ADORA1: variants seen among roughly 807,000 people sequenced by gnomAD.
ADORA1 encodes adenosine receptor A1.
A neutral mutation model predicts 19.9 loss-of-function variants in ADORA1; 6 were observed. That is an observed-to-expected ratio of 0.30 (90% CI 0.17 to 0.59). The LOEUF (loss-of-function observed/expected upper bound fraction) is 0.59. Among genes scored for constraint, ADORA1 ranks in the 20% least tolerant of loss-of-function variants. The pLI is 0.87. For missense variants in ADORA1, 302 were observed against 439.2 expected, an observed-to-expected ratio of 0.69 and a Z score of 2.79; for synonymous variants, 194 against 188.4, an observed-to-expected ratio of 1.03 and a Z score of -0.24.
chr1:203,159,377 C>G (rs1357366026), intron 3 of ADORA1, among the ~76,000 whole-genome samples: 2 of 152,208 alleles, frequency 1.3e-5, no homozygotes, highest in Non-Finnish European at 2.9e-5. Context: ...AGCCCTAGGT[C>G]TCTTCTCTGA....
intron 3 of ADORA1, among the ~76,000 whole-genome samples, chr1:203,148,961 T>A (rs1036598993): frequency 1.8e-4 from 28 of 152,046 alleles, no homozygotes; most frequent in African/African-American, 6.3e-4. Context: ...CACTGCAACC[T>A]CCGCCGCCCG....
At position 203,128,356 on chromosome 1, in the gene ADORA1, C is replaced by T. The variant is rs1654220352; in HGVS notation, c.-134C>T. 1.6e-6 allele frequency: 2 copies of T among 1,290,022 alleles called. No homozygotes were observed. The highest frequency in any genetic ancestry group is 2.3e-5 in the Admixed American group (1 of 43,540). The allele number at this position is 1,290,022 out of a possible 1,614,324, so 79.9% of individuals were successfully genotyped here. A position where few individuals can be genotyped will look rare whatever the true frequency, so the allele number is the denominator to read the frequency against. On this transcript the variant is annotated 5_prime_UTR_variant, in exon 2 of 4. Coordinates refer to ENST00000337894, the MANE Select transcript of ADORA1 (RefSeq NM_000674.3). The surrounding 1 kb of genome is among the most constrained non-coding windows in gnomAD (Gnocchi z 5.9). ...TGTCCAGAGCCCAGCCCAGCCCTACCGCGCGCGGCCCGGAGCTCTGTTCCC... is the reference window on the plus strand; with the variant it reads ...TGTCCAGAGCCCAGCCCAGCCCTACTGCGCGCGGCCCGGAGCTCTGTTCCC...
chr1:203,163,799 C>T lies in ADORA1; in HGVS notation c.342-1462C>T, dbSNP rs61704483. ...GATCTAGGAGAAGCGTTGTCCGGGG[C>T]GAGACAGACTTTAAGCATCATCACC... On this transcript the variant is annotated intron_variant, in intron 3 of 3. Transcript: ENST00000337894. 4.0e-3 allele frequency among the ~76,000 whole-genome samples: 602 copies of T among 152,216 alleles called. 7 individuals are homozygous for T. The highest frequency in any genetic ancestry group is 0.014 in the African/African-American group (580 of 41,536).
At chr1:203,142,826 C>A (rs1294949838) in intron 3 of ADORA1, among the ~76,000 whole-genome samples, 1 of 152,136 alleles carries the variant, frequency 6.6e-6, no homozygotes, top group Non-Finnish European at 1.5e-5. Context: ...AGTGAGGGCT[C>A]CCCTGGGGCC....
At chr1:203,144,306 T>C (rs1485872857) in intron 3 of ADORA1, among the ~76,000 whole-genome samples, 1 of 152,158 alleles carries the variant, frequency 6.6e-6, no homozygotes, top group African/African-American at 2.4e-5. Context: ...CCAAGCCTAT[T>C]CATCTCTATA....
intron 3 of ADORA1, 192 bp downstream of exon 3, chr1:203,129,374 G>A: frequency 1.2e-6 from 1 of 806,142 alleles, no homozygotes; most frequent in Non-Finnish European, 1.5e-6. Flanking sequence ...GGGATGGGTG[G>A]CTGGAGGACT....
chr1:203,159,868 A>G (rs1186009549), intron 3 of ADORA1, among the ~76,000 whole-genome samples: 1 of 152,248 alleles, frequency 6.6e-6, no homozygotes, highest in African/African-American at 2.4e-5. Context: ...CAGCACATGC[A>G]TGTGAACAGG....
chr1:203,149,592 A>G (rs1654967955), intron 3 of ADORA1, among the ~76,000 whole-genome samples: 2 of 152,252 alleles, frequency 1.3e-5, no homozygotes, highest in Admixed American at 1.3e-4. Context: ...TGTGAGAACC[A>G]CCTAATTAAG....
chr1:203,150,625 C>T, intron 3 of ADORA1: 2 of 1,289,522 alleles, frequency 1.6e-6, no homozygotes, highest in South Asian at 1.2e-5. Flanking sequence ...GACTGTACTT[C>T]TTCCAGGTCC....
chr1:203,140,582 AG>A (rs1170727956), intron 3 of ADORA1, among the ~76,000 whole-genome samples: 1 of 151,992 alleles, frequency 6.6e-6, no homozygotes, highest in Non-Finnish European at 1.5e-5. Flanking sequence ...GGTCAGGAGG[AG>A]GGGCTCTCTC....
chr1:203,136,565 A>T (rs887877265), intron 3 of ADORA1, among the ~76,000 whole-genome samples: 5 of 152,156 alleles, frequency 3.3e-5, no homozygotes, highest in Admixed American at 2.0e-4. Context: ...CCTCTGTCTG[A>T]CAGCTCAGAG....
At position 203,128,525 on chromosome 1, in the gene ADORA1, T is replaced by C; in HGVS notation, c.-58+93T>C. On this transcript the variant is annotated intron_variant, in intron 2 of 3. Transcript: ENST00000337894. The surrounding 1 kb of genome is among the most constrained non-coding windows in gnomAD (Gnocchi z 5.9). ...CGTGTGTCTGTGTGTGCGCGCGCGC[T>C]GGGAGCTGCCTCACACCTGATAAAA... 3.9e-6 allele frequency: 4 copies of C among 1,029,920 alleles called. No individual in the cohort carries two copies. In the South Asian group the frequency reaches 6.2e-5, roughly 16 times the overall value. The allele number at this position is 1,029,920 out of a possible 1,614,324, so 63.8% of individuals were successfully genotyped here.
intron 3 of ADORA1, among the ~76,000 whole-genome samples, chr1:203,148,365 G>A (rs1477800707): frequency 1.3e-5 from 2 of 152,218 alleles, no homozygotes; most frequent in Non-Finnish European, 1.5e-5. Flanking sequence ...AAGAGCAGAG[G>A]AGGGCTGTAT....
Position 203,164,968 on chromosome 1 carries a change from T to C in ADORA1, c.342-293T>C, listed in dbSNP as rs1655490229. On this transcript the variant is annotated intron_variant, in intron 3 of 3. Transcript: ENST00000337894. ...GAGCACATGGGAGCAATTTTTACTG[T>C]GGTCATTTCCTTGAAATTCATAAAG... 8 of 1,442,500 alleles carry C rather than the reference T, an allele frequency of 5.5e-6. No individual in the cohort carries two copies. In the South Asian group the frequency reaches 7.5e-5, roughly 14 times the overall value. The allele number at this position is 1,442,500 out of a possible 1,614,324, so 89.4% of individuals were successfully genotyped here.
chr1:203,165,767 T>A lies in ADORA1; in HGVS notation c.848T>A (p.Met283Lys), dbSNP rs575455405. Residue 283 changes from methionine to lysine, a missense_variant, in exon 4 of 4, where the codon ATG (methionine) becomes AAG (lysine). Coordinates refer to ENST00000337894, the MANE Select transcript of ADORA1 (RefSeq NM_000674.3). The surrounding 1 kb of genome is among the most constrained non-coding windows in gnomAD (Gnocchi z 5.9). ...TTCCTCACGCACGGCAACTCGGCCATGAACCCCATTGTCTATGCCTTCCGC... is the reference window on the plus strand; with the variant it reads ...TTCCTCACGCACGGCAACTCGGCCAAGAACCCCATTGTCTATGCCTTCCGC... ...AIFLTHGNSA[M>K]NPIVYAFRIQ... 6.2e-7 allele frequency: 1 copy of A among 1,614,000 alleles called. No homozygotes were observed. Among genetic ancestry groups the A allele is most frequent in the African/African-American group, 1.3e-5 (1 of 75,052 alleles).
chr1:203,143,862 C>T (rs955161800), intron 3 of ADORA1, among the ~76,000 whole-genome samples: 5 of 152,206 alleles, frequency 3.3e-5, no homozygotes, highest in East Asian at 1.9e-4. Flanking sequence ...GAGACAGACA[C>T]GTTTCCAACG....
intron 3 of ADORA1, among the ~76,000 whole-genome samples, chr1:203,152,029 G>C (rs926009964): frequency 5.3e-5 from 8 of 152,124 alleles, no homozygotes; most frequent in African/African-American, 1.9e-4. Context: ...CTAGCGCTGA[G>C]CTCAGCTCTC....
chr1:203,147,549 T>G (rs2102750987), intron 3 of ADORA1, among the ~76,000 whole-genome samples: 1 of 152,290 alleles, frequency 6.6e-6, no homozygotes, highest in Admixed American at 6.5e-5. Context: ...CAAAGCGTGG[T>G]CAGGGACCAG....
chr1:203,156,022 G>C (rs961146764), intron 3 of ADORA1, among the ~76,000 whole-genome samples: 1 of 152,192 alleles, frequency 6.6e-6, no homozygotes, highest in Non-Finnish European at 1.5e-5. Context: ...AATCATTTCT[G>C]AATAAGTGGA....
Sources: allele counts gnomAD v4.1 joint callset (sites outside exome capture counted in the v4.1 genomes callset), GRCh38; gene constraint gnomAD v4.1.1; non-coding constraint Gnocchi (gnomAD v3.1); transcripts MANE v1.5; gene names NCBI Gene and HGNC (gene_info 2026-07-23, HGNC 2026-07-21).